VPS37C: variants seen among roughly 807,000 people sequenced by gnomAD.
VPS37C encodes vacuolar protein sorting-associated protein 37C.
In VPS37C, 9 loss-of-function variants were observed where a neutral mutation model predicts 16.1. The ratio of observed to expected loss-of-function variants is 0.56; its 90% CI spans 0.34 to 0.97. The LOEUF (loss-of-function observed/expected upper bound fraction) is 0.97, where lower values mean the gene tolerates loss of function less well. VPS37C is among the 50% of genes least tolerant of loss of function. VPS37C has a pLI of 0.02. For synonymous variants in VPS37C, 207 were observed against 206.4 expected, an observed-to-expected ratio of 1.00 and a Z score of -0.02; for missense variants, 479 against 472.7, an observed-to-expected ratio of 1.01 and a Z score of -0.12.
chr11:61,130,750 G>A lies in VPS37C; in HGVS notation c.*1070C>T. ...CCCTTTACATTCTGAAGACAGGGAG[G>A]TGTGAAAAAATTGCCCCTAATGTAG... On this transcript the variant is annotated 3_prime_UTR_variant, in exon 5 of 5. Transcript: ENST00000301765. The A allele has an allele frequency of 2.4e-6, 1 of 425,442 alleles. No individual in the cohort carries two copies. The highest frequency in any genetic ancestry group is 1.7e-5 in the South Asian group (1 of 59,958). The allele number at this position is 425,442 out of a possible 1,614,324, so 26.4% of individuals were successfully genotyped here. A position where few individuals can be genotyped will look rare whatever the true frequency, so the allele number is the denominator to read the frequency against.
intron 1 of VPS37C, among the ~76,000 whole-genome samples, chr11:61,157,330 CTATACCATTT>C (rs1225017244): frequency 3.9e-5 from 6 of 152,214 alleles, no homozygotes; most frequent in Non-Finnish European, 7.3e-5. Context: ...TTGCCACTGG[CTATACCATTT>C]TACATTCCCA....
In VPS37C at chr11:61,132,213, C is replaced by A; in HGVS notation, c.675G>T (p.Pro225=). 6.6e-7 allele frequency: 1 copy of A among 1,504,754 alleles called. No individual in the cohort carries two copies. The highest frequency in any genetic ancestry group is 8.9e-7 in the Non-Finnish European group (1 of 1,126,946). 93.2% of individuals were successfully genotyped at this position (1,504,754 alleles called of 1,614,324 possible). ...VGPTAHGALP[P]APFPVVSQPS... The stretch of plus-strand genomic sequence containing the variant: ...GCTGGGACACTACTGGGAAAGGGGC[C>A]GGTGGCAGGGCTCCATGGGCAGTGG... The change falls in exon 5 of 5, where the codon CCG becomes CCT. Residue 225 remains proline (P), a synonymous_variant. Transcript: ENST00000301765.
intron 1 of VPS37C, among the ~76,000 whole-genome samples, chr11:61,146,435 G>A (rs371255548): frequency 1.3e-5 from 2 of 152,346 alleles, no homozygotes; most frequent in South Asian, 2.1e-4. Context: ...TGAGAGCAGC[G>A]TAACAGAGGC....
chr11:61,146,343 A>G (rs993302762), intron 1 of VPS37C, among the ~76,000 whole-genome samples: 1 of 152,262 alleles, frequency 6.6e-6, no homozygotes, highest in Admixed American at 6.5e-5. Context: ...ATTCACAGGT[A>G]AGAGCTGATC....
chr11:61,132,124 G>C lies in VPS37C; in HGVS notation c.764C>G (p.Ala255Gly), dbSNP rs1403051695. 2 of 1,436,608 alleles carry C rather than the reference G, an allele frequency of 1.4e-6. No homozygotes were observed. Among genetic ancestry groups the C allele is most frequent in the Non-Finnish European group, 1.8e-6 (2 of 1,090,996 alleles). The allele number at this position is 1,436,608 out of a possible 1,614,324, so 89.0% of individuals were successfully genotyped here. A position where few individuals can be genotyped will look rare whatever the true frequency, so the allele number is the denominator to read the frequency against. ...YPAAQLGPRG[A>G]AGYSWSPQRS... ...CTGTGGGGACCAGGAGTAACCCGCA[G>C]CACCCCTGGGTCCAAGCTGGGCTGC... The change falls in exon 5 of 5, where the codon GCT becomes GGT. Residue 255 changes from alanine (A) to glycine (G), a missense_variant. Ala to Gly is a moderately conservative substitution (Grantham distance 60, BLOSUM62 0). Coordinates refer to ENST00000301765, the MANE Select transcript of VPS37C (RefSeq NM_017966.5).
intron 1 of VPS37C, among the ~76,000 whole-genome samples, chr11:61,157,951 T>C (rs1215906814): frequency 6.6e-6 from 1 of 152,244 alleles, no homozygotes; most frequent in East Asian, 1.9e-4. Context: ...GCTCCCTCTG[T>C]GGCTGTGTGA....
At chr11:61,161,108 A>C (rs1853466011) in intron 1 of VPS37C, 1 of 152,366 alleles carries the variant, frequency 6.6e-6, no homozygotes, top group African/African-American at 2.4e-5. Context: ...GCAGAGACGC[A>C]GAAAGGAGGG....
intron 1 of VPS37C, among the ~76,000 whole-genome samples, chr11:61,148,693 G>T (rs533552865): frequency 2.0e-3 from 304 of 152,222 alleles, no homozygotes; most frequent in Non-Finnish European, 3.7e-3. Context: ...GGAGAGGAAG[G>T]CGTTTTTAGT....
intron 1 of VPS37C, among the ~76,000 whole-genome samples, chr11:61,147,805 C>T: frequency 6.6e-6 from 1 of 152,134 alleles, no homozygotes; most frequent in East Asian, 1.9e-4. Context: ...CTGCCCCTCA[C>T]CCCTTGCCGC....
intron 1 of VPS37C, among the ~76,000 whole-genome samples, chr11:61,153,945 A>G (rs1203587873): frequency 6.6e-6 from 1 of 152,230 alleles, no homozygotes; most frequent in Non-Finnish European, 1.5e-5. Context: ...CACAGTGGAA[A>G]AACCTCATCA....
chr11:61,147,252 A>G (rs2134646452), intron 1 of VPS37C, among the ~76,000 whole-genome samples: 2 of 152,248 alleles, frequency 1.3e-5, no homozygotes, highest in East Asian at 3.9e-4. Flanking sequence ...CACTGAAAGG[A>G]GGTTGGGGTG....
At chr11:61,148,439 G>A (rs1853249056) in intron 1 of VPS37C, among the ~76,000 whole-genome samples, 1 of 152,184 alleles carries the variant, frequency 6.6e-6, no homozygotes, top group Admixed American at 6.5e-5. Context: ...AACACCTGCT[G>A]TTGCCTTAGA....
intron 1 of VPS37C, among the ~76,000 whole-genome samples, chr11:61,140,879 A>G (rs1378579506): frequency 1.3e-5 from 2 of 152,130 alleles, no homozygotes; most frequent in African/African-American, 2.4e-5. Flanking sequence ...CATTCTGTCC[A>G]CACCTCACCT....
Position 61,130,799 on chromosome 11 carries a change from C to T in VPS37C, c.*1021G>A, listed in dbSNP as rs1861238747. ...AGTGATGGTGTTTTTTAAAAAGCAC[C>T]ATTTGGGAAGTAAAGTTAGGGCCTC... On this transcript the variant is annotated 3_prime_UTR_variant, in exon 5 of 5. Transcript: ENST00000301765. The T allele has an allele frequency of 4.6e-6, 2 of 436,004 alleles. No individual in the cohort carries two copies. The highest frequency in any genetic ancestry group is 4.2e-5 in the African/African-American group (2 of 48,076). 27.0% of individuals were successfully genotyped at this position (436,004 alleles called of 1,614,324 possible).
rs373366356 is a variant in VPS37C, at chr11:61,131,803, G to A, written c.*17C>T. 2.5e-4 allele frequency: 317 copies of A among 1,249,516 alleles called. 1 individual carries two copies. The African/African-American group carries it at 4.2e-3, about 17-fold the overall frequency. The allele number at this position is 1,249,516 out of a possible 1,614,324, so 77.4% of individuals were successfully genotyped here. Reference sequence around the variant, plus strand: ...GCGTGGGTGGGACTAGGGAGGGGCCGAGGGCCAGGAGTGTGTCTAATACCC... The same window carrying A: ...GCGTGGGTGGGACTAGGGAGGGGCCAAGGGCCAGGAGTGTGTCTAATACCC... On this transcript the variant is annotated 3_prime_UTR_variant, in exon 5 of 5. Transcript: ENST00000301765.
intron 1 of VPS37C, among the ~76,000 whole-genome samples, chr11:61,155,808 G>A (rs1853367675): frequency 6.6e-6 from 1 of 152,128 alleles, no homozygotes; most frequent in South Asian, 2.1e-4. Context: ...CACCAAAAAT[G>A]TTAAACGAAC....
intron 1 of VPS37C, among the ~76,000 whole-genome samples, chr11:61,157,202 GGTATACAAATACTT>G: frequency 6.6e-6 from 1 of 152,234 alleles, no homozygotes; most frequent in South Asian, 2.1e-4. Flanking sequence ...TACAAACATG[GGTATACAAATACTT>G]GTTCAAGTGT....
intron 1 of VPS37C, among the ~76,000 whole-genome samples, chr11:61,142,213 C>A (rs1284180339): frequency 6.6e-6 from 1 of 152,170 alleles, no homozygotes; most frequent in Non-Finnish European, 1.5e-5. Context: ...CGGTATTTAC[C>A]ATGTTAGAAA....
chr11:61,154,552 T>C (rs188832672), intron 1 of VPS37C, among the ~76,000 whole-genome samples: 69 of 150,538 alleles, frequency 4.6e-4, no homozygotes, highest in Non-Finnish European at 3.7e-4. Context: ...AAGGGACTAC[T>C]GGGAAAAATG....
Sources: gnomAD v4.1 joint callset for allele counts (sites outside exome capture counted in the v4.1 genomes callset) on GRCh38, gnomAD v4.1.1 for gene constraint, MANE v1.5 for transcripts, NCBI Gene and HGNC (gene_info 2026-07-23, HGNC 2026-07-21) for gene names.